Variants in WNT8A observed in about 807,000 individuals in gnomAD.
The protein encoded by WNT8A is Wnt family member 8A.
A neutral mutation model predicts 20.5 loss-of-function variants in WNT8A; 14 were observed. That is an observed-to-expected ratio of 0.68 (90% confidence interval 0.45 to 1.07). The LOEUF is 1.07. WNT8A is among the 50% of genes least tolerant of loss of function. The probability of loss-of-function intolerance (pLI) is 0.00; values close to 1 mark genes in which losing one functional copy is unlikely to be tolerated. For missense variants in WNT8A, 397 were observed against 462.9 expected (o/e 0.86, Z 1.31); for synonymous variants, 167 against 169.2 (o/e 0.99, Z 0.10).
chr5:138,089,169 C>A, intron 4 of WNT8A, 100 bp downstream of exon 4: 1 of 1,480,448 alleles, frequency 6.8e-7, no homozygotes, highest in Non-Finnish European at 9.0e-7. Flanking sequence ...CCTCATACTA[C>A]CCAGCCAGAT....
rs1271087256 is a variant in WNT8A, at chr5:138,084,702, G to A, written c.295+66G>A. On this transcript the variant is annotated intron_variant, in intron 2 of 4. Coordinates refer to ENST00000506684, the MANE Select transcript of WNT8A (RefSeq NM_001300939.2). ...GTGAATGGAGTGGGGCTTGCAGTAT[G>A]TGTATATGTGTGACATGTATTGCAC... is the stretch of plus-strand genomic sequence containing the variant. 3 of 1,506,050 alleles carry A rather than the reference G, an allele frequency of 2.0e-6. No homozygotes were observed. In the African/African-American group the frequency reaches 4.2e-5, roughly 21 times the overall value. The allele number at this position is 1,506,050 out of a possible 1,614,324, so 93.3% of individuals were successfully genotyped here.
intron 1 of WNT8A, 39 bp from the exon 2 acceptor site, chr5:138,084,459 A>G (rs1017736636): frequency 5.7e-6 from 9 of 1,571,752 alleles, no homozygotes; most frequent in African/African-American, 2.7e-5. Context: ...CAGATGACCC[A>G]TACCGGGCAG....
At chr5:138,081,087 A>G (rs897610088), upstream of WNT8A, among the ~76,000 whole-genome samples, 1 of 151,990 alleles carries the variant, frequency 6.6e-6, no homozygotes, top group Admixed American at 6.6e-5. Flanking sequence ...TAAAAATTCA[A>G]TACAGGCGGG....
downstream of WNT8A, among the ~76,000 whole-genome samples, chr5:138,091,864 TA>T (rs1299883825): frequency 2.0e-5 from 1 of 50,810 alleles, no homozygotes; most frequent in Non-Finnish European, 5.0e-5. Flanking sequence ...AATAAATAAA[TA>T]AATAAATAAA....
intron 1 of WNT8A, 40 bp downstream of exon 1, chr5:138,084,323 C>T (rs1750589929): frequency 6.2e-7 from 1 of 1,608,006 alleles, no homozygotes; most frequent in Non-Finnish European, 8.5e-7. Context: ...CCACTGAGGG[C>T]CCTAAGGGGA....
chr5:138,086,207 T>G (rs1345154049), intron 2 of WNT8A, among the ~76,000 whole-genome samples: 2 of 152,124 alleles, frequency 1.3e-5, no homozygotes, highest in African/African-American at 4.8e-5. Flanking sequence ...CTCATCATTC[T>G]TTATTTCTTT....
intron 2 of WNT8A, among the ~76,000 whole-genome samples, chr5:138,086,916 T>G (rs537565173): frequency 1.4e-5 from 2 of 147,042 alleles, no homozygotes; most frequent in Admixed American, 1.4e-4. Context: ...TGTGGTAGCA[T>G]GCACCTATAG....
chr5:138,085,812 C>T (rs1750641807), intron 2 of WNT8A, among the ~76,000 whole-genome samples: 2 of 147,240 alleles, frequency 1.4e-5, no homozygotes, highest in African/African-American at 2.5e-5. Context: ...TATGATCACA[C>T]CACTACACTC....
At chr5:138,086,923 A>ACTACTGAG (rs1191931054) in intron 2 of WNT8A, among the ~76,000 whole-genome samples, 10 of 150,412 alleles carry the variant, frequency 6.6e-5, no homozygotes, top group Admixed American at 6.7e-5. Flanking sequence ...GCATGCACCT[A>ACTACTGAG]TAGTCCCAGC....
chr5:138,090,686 G>T lies in WNT8A; in HGVS notation c.723G>T (p.Arg241=). The T allele has an allele frequency of 6.2e-7, 1 of 1,614,246 alleles. No homozygotes were observed. The highest frequency in any genetic ancestry group is 8.5e-7 in the Non-Finnish European group (1 of 1,180,044). Residue 241 remains arginine, a synonymous_variant, in exon 5 of 5, where the codon CGG becomes CGT. Transcript: ENST00000506684. ...DQALKIEMDK[R]QLRAGNSAEG... ...CGCTGAAAATTGAAATGGATAAGCG[G>T]CAGCTGAGAGCTGGGAACAGCGCCG...
chr5:138,088,804 C>A, intron 3 of WNT8A, 123 bp from the exon 4 acceptor site: 1 of 1,366,060 alleles, frequency 7.3e-7, no homozygotes, highest in Non-Finnish European at 9.9e-7. Context: ...CCCCAAGCAC[C>A]TCCATTTCCC....
Position 138,091,312 on chromosome 5 carries a change from A to G in WNT8A, c.*239A>G, listed in dbSNP as rs374570125. ...CAGACCCCCATTTCATCTTTCCTGC[A>G]AACTACTTTCCCATCTTTGTGCCTG... On this transcript the variant is annotated 3_prime_UTR_variant, in exon 5 of 5. Transcript: ENST00000506684. 6.5e-5 allele frequency: 99 copies of G among 1,523,140 alleles called. No individual in the cohort carries two copies. Among genetic ancestry groups the G allele is most frequent in the Non-Finnish European group, 8.5e-5 (96 of 1,133,286 alleles). 94.4% of individuals were successfully genotyped at this position (1,523,140 alleles called of 1,614,324 possible).
upstream of WNT8A, among the ~76,000 whole-genome samples, chr5:138,079,998 C>T (rs1190000822): frequency 2.0e-5 from 3 of 152,150 alleles, no homozygotes; most frequent in East Asian, 5.8e-4. Context: ...AAAGGCTCAT[C>T]TAATCGTCAA....
upstream of WNT8A, among the ~76,000 whole-genome samples, chr5:138,081,906 A>G (rs376422659): frequency 3.3e-5 from 5 of 152,180 alleles, no homozygotes; most frequent in African/African-American, 1.2e-4. Flanking sequence ...CAGTTTGCAG[A>G]CCGACGCCAA....
intron 4 of WNT8A, 140 bp from the exon 5 acceptor site, chr5:138,090,388 A>T (rs140812716): frequency 5.4e-6 from 4 of 737,512 alleles, no homozygotes; most frequent in Non-Finnish European, 6.6e-6. Flanking sequence ...GTCGAGGAAT[A>T]AATATTTTTC....
In WNT8A at chr5:138,091,487, C is replaced by T. The variant is rs530553245; in HGVS notation, c.*414C>T. On this transcript the variant is annotated 3_prime_UTR_variant, in exon 5 of 5. Transcript: ENST00000506684. ...AATAGAAGCAAAAAACGAAAGAGTT[C>T]TGTTCAGACTTCTGAAGAGCAGCCT... 3.0e-6 allele frequency: 4 copies of T among 1,348,310 alleles called. No individual in the cohort carries two copies. The Admixed American group carries it at 5.8e-5, about 20-fold the overall frequency. 83.5% of individuals were successfully genotyped at this position (1,348,310 alleles called of 1,614,324 possible). A position where few individuals can be genotyped will look rare whatever the true frequency, so the allele number is the denominator to read the frequency against.
chr5:138,084,626 G>C lies in WNT8A; in HGVS notation c.285G>C (p.Arg95Ser). The C allele has an allele frequency of 6.2e-7, 1 of 1,607,968 alleles. No homozygotes were observed. Among genetic ancestry groups the C allele is most frequent in the South Asian group, 1.1e-5 (1 of 89,984 alleles). Residue 95 changes from arginine to serine, a missense_variant, in exon 2 of 5, where the codon AGG becomes AGC. Coordinates refer to ENST00000506684, the MANE Select transcript of WNT8A (RefSeq NM_001300939.2). ...ENALQLSTHN[R>S]LRSATRETSF... ...CTCTTCAGCTCTCCACCCACAACAGGCTGAGAAGTGGTAAGTTTGTGTGGG... is the reference window on the plus strand; with the variant it reads ...CTCTTCAGCTCTCCACCCACAACAGCCTGAGAAGTGGTAAGTTTGTGTGGG...
chr5:138,089,548 T>C (rs959102825), intron 4 of WNT8A, among the ~76,000 whole-genome samples: 2 of 151,898 alleles, frequency 1.3e-5, no homozygotes, highest in African/African-American at 4.8e-5. Flanking sequence ...GTCTCTGGAG[T>C]ATTCTGAACA....
chr5:138,082,529 G>C (rs746931824), upstream of WNT8A, among the ~76,000 whole-genome samples: 2 of 151,830 alleles, frequency 1.3e-5, no homozygotes, highest in Non-Finnish European at 2.9e-5. Flanking sequence ...AGTAAGTTGA[G>C]ATGGCACACT....
Sources: gnomAD v4.1 joint callset for allele counts (sites outside exome capture counted in the v4.1 genomes callset) on GRCh38, gnomAD v4.1.1 for gene constraint, MANE v1.5 for transcripts, NCBI Gene and HGNC (gene_info 2026-07-23, HGNC 2026-07-21) for gene names.